TIE1: variants seen among roughly 807,000 people sequenced by gnomAD.
TIE1 encodes tyrosine-protein kinase receptor Tie-1.
TIE1 carries 89 observed loss-of-function variants against 130.5 expected under a neutral mutation model. That is an observed-to-expected ratio of 0.68 (90% CI 0.57 to 0.81). The LOEUF is 0.81. TIE1 is among the 40% of genes least tolerant of loss of function. The probability of loss-of-function intolerance (pLI) is 0.00; values close to 1 mark genes in which losing one functional copy is unlikely to be tolerated. For synonymous variants in TIE1, 568 were observed against 629.4 expected (o/e 0.90, Z 1.46); for missense variants, 1,392 against 1,559.8 (o/e 0.89, Z 1.81).
chr1:43,317,507 T>C lies in TIE1; in HGVS notation c.2621-57T>C. 6.2e-7 allele frequency: 1 copy of C among 1,609,072 alleles called. No individual in the cohort carries two copies. Among genetic ancestry groups the C allele is most frequent in the Non-Finnish European group, 8.5e-7 (1 of 1,175,494 alleles). ...TCCTCCAGCAATTGACCCCAGCCCT[T>C]GCCAGCCCTTTCTCCAGAGTTATTT... On this transcript the variant is annotated intron_variant, in intron 15 of 22. Coordinates refer to ENST00000372476, the MANE Select transcript of TIE1 (RefSeq NM_005424.5). The surrounding 1 kb of genome is among the most constrained non-coding windows in gnomAD (Gnocchi z 5.1).
chr1:43,303,574 T>C (rs559153480), intron 1 of TIE1, among the ~76,000 whole-genome samples: 11 of 152,284 alleles, frequency 7.2e-5, no homozygotes, highest in Admixed American at 2.6e-4. Context: ...AGGGCTTGGC[T>C]GGTGGAGGGG....
At position 43,312,996 on chromosome 1, in the gene TIE1, T is replaced by G; in HGVS notation, c.1928-139T>G. ...GGGAATGGAGAGGAATTCAGTCTGG[T>G]GGGGAGGAGGAAGTTGGCAGGGTGG... On this transcript the variant is annotated intron_variant, in intron 12 of 22. Transcript: ENST00000372476. This position sits in a 1 kb window ranked among gnomAD's most constrained non-coding sequence, Gnocchi z 5.6. 1.0e-6 allele frequency: 1 copy of G among 966,958 alleles called. No homozygotes were observed. The allele number at this position is 966,958 out of a possible 1,614,324, so 59.9% of individuals were successfully genotyped here. A position where few individuals can be genotyped will look rare whatever the true frequency, so the allele number is the denominator to read the frequency against.
At position 43,309,759 on chromosome 1, in the gene TIE1, TG is replaced by T. The variant is rs1473472783; in HGVS notation, c.1333+231del. Among the ~76,000 whole-genome samples, 1 of 152,056 alleles carries T rather than the reference TG, an allele frequency of 6.6e-6. No homozygotes were observed. The highest frequency in any genetic ancestry group is 1.5e-5 in the Non-Finnish European group (1 of 68,006). ...AAAGGACATCCCGTGCCCCAGAAAC[TG>T]GGGACACTCTCCAGCCCCGCCCTTC... On this transcript the variant is annotated intron_variant, in intron 9 of 22. Transcript: ENST00000372476. This position sits in a 1 kb window ranked among gnomAD's most constrained non-coding sequence, Gnocchi z 6.3.
In TIE1 at chr1:43,309,672, T is replaced by C; in HGVS notation, c.1333+140T>C. On this transcript the variant is annotated intron_variant, in intron 9 of 22. Transcript: ENST00000372476. The surrounding 1 kb of genome is among the most constrained non-coding windows in gnomAD (Gnocchi z 6.3). ...TAGCACCAGACAAAAAGCGGGGTTG[T>C]GGTCAACCAGAGGTCCGGGCTGGGC... The C allele has an allele frequency of 5.6e-6, 7 of 1,252,430 alleles. No individual in the cohort carries two copies. The highest frequency in any genetic ancestry group is 1.5e-5 in the African/African-American group (1 of 65,884). The allele number at this position is 1,252,430 out of a possible 1,614,324, so 77.6% of individuals were successfully genotyped here.
rs374467123 is a variant in TIE1 at position 43,312,165 on chromosome 1, C to A, written c.1630+34C>A. 5.4e-5 allele frequency: 82 copies of A among 1,516,498 alleles called. No homozygotes were observed. In the Middle Eastern group the frequency reaches 3.0e-3, roughly 56 times the overall value. 93.9% of individuals were successfully genotyped at this position (1,516,498 alleles called of 1,614,324 possible). ...CCAAGAGTCATCCCTTCCTGTCCCC[C>A]CAAGGGTTACTTTCCCGTCGACCCC... On this transcript the variant is annotated intron_variant, in intron 11 of 22. Coordinates refer to ENST00000372476, the MANE Select transcript of TIE1 (RefSeq NM_005424.5). This position sits in a 1 kb window ranked among gnomAD's most constrained non-coding sequence, Gnocchi z 5.6.
chr1:43,313,206 C>G lies in TIE1; in HGVS notation c.1999C>G (p.Pro667Ala). 1 of 1,613,908 alleles carries G rather than the reference C, an allele frequency of 6.2e-7. No individual in the cohort carries two copies. Among genetic ancestry groups the G allele is most frequent in the Non-Finnish European group, 8.5e-7 (1 of 1,179,910 alleles). Residue 667 changes from proline to alanine, a missense_variant, in exon 13 of 23, where the codon CCG (proline) becomes GCG (alanine). By Grantham distance (27) the Pro-to-Ala change is conservative. Around this residue, in one of 6 missense-constraint regions of TIE1, gnomAD observed 551 missense variants for 565.5 expected, o/e 0.97. Transcript: ENST00000372476. This position sits in a 1 kb window ranked among gnomAD's most constrained non-coding sequence, Gnocchi z 6.2. ...DSEIQLTWKH[P>A]EALPGPISKY... The stretch of plus-strand genomic sequence containing the variant: ...CGAGATCCAGCTGACATGGAAGCAC[C>G]CGGAGGCTCTGCCTGGGCCAATATC...
At position 43,313,221 on chromosome 1, in the gene TIE1, G is replaced by A; in HGVS notation, c.2014G>A (p.Gly672Arg). Residue 672 changes from glycine to arginine, a missense_variant, in exon 13 of 23, where the codon GGG becomes AGG. This residue lies in a region of TIE1 where 551 missense variants were observed against 565.5 expected (regional missense o/e 0.97). Coordinates refer to ENST00000372476, the MANE Select transcript of TIE1 (RefSeq NM_005424.5). This position sits in a 1 kb window ranked among gnomAD's most constrained non-coding sequence, Gnocchi z 6.2. The stretch of plus-strand genomic sequence containing the variant: ...ATGGAAGCACCCGGAGGCTCTGCCT[G>A]GGCCAATATCCAAGTACGTTGTGGA... Reference protein sequence around the residue: ...LTWKHPEALPGPISKYVVEVQ... With the variant: ...LTWKHPEALPRPISKYVVEVQ... 2 of 1,613,992 alleles carry A rather than the reference G, an allele frequency of 1.2e-6. No homozygotes were observed. The highest frequency in any genetic ancestry group is 1.7e-5 in the Admixed American group (1 of 60,010).
At position 43,312,566 on chromosome 1, in the gene TIE1, C is replaced by A; in HGVS notation, c.1892C>A (p.Ala631Asp). 6.2e-7 allele frequency: 1 copy of A among 1,611,724 alleles called. No homozygotes were observed. Among genetic ancestry groups the A allele is most frequent in the South Asian group, 1.1e-5 (1 of 90,772 alleles). Residue 631 changes from alanine (A) to aspartate (D), a missense_variant, in exon 12 of 23, where the codon GCC (alanine) becomes GAC (aspartate). Ala to Asp is a moderately radical substitution (Grantham distance 126). Coordinates refer to ENST00000372476, the MANE Select transcript of TIE1 (RefSeq NM_005424.5). This position sits in a 1 kb window ranked among gnomAD's most constrained non-coding sequence, Gnocchi z 5.6. Reference protein sequence around the residue: ...QLYHCTLLGPASPPAHVLLPP... With the variant: ...QLYHCTLLGPDSPPAHVLLPP... Reference sequence around the variant, plus strand: ...TACCACTGCACCCTCCTGGGCCCGGCCTCGCCCCCTGCACACGTGCTTCTG... The same window carrying A: ...TACCACTGCACCCTCCTGGGCCCGGACTCGCCCCCTGCACACGTGCTTCTG...
chr1:43,311,921 G>A, intron 10 of TIE1, 73 bp from the exon 11 acceptor site: 1 of 1,568,312 alleles, frequency 6.4e-7, no homozygotes, highest in Non-Finnish European at 8.7e-7. Context: ...TGGTGCGAGG[G>A]GGCTGAAGGG....
chr1:43,321,397 A>G lies in TIE1; in HGVS notation c.3150A>G (p.Gly1050=). 2 of 1,613,870 alleles carry G rather than the reference A, an allele frequency of 1.2e-6. No homozygotes were observed. The highest frequency in any genetic ancestry group is 1.7e-6 in the Non-Finnish European group (2 of 1,179,926). The change falls in exon 21 of 23, where the codon GGA becomes GGG. Residue 1050 remains glycine, a splice_region_variant and synonymous_variant. Transcript: ENST00000372476. The part of the protein sequence containing the change: ...GVLLWEIVSL[G]GTPYCGMTCA... ...AGAGCACTTTGTCCCCTCCTGCAGG[A>G]GGTACACCCTACTGTGGCATGACCT...
chr1:43,302,943 A>T (rs1422384821), intron 1 of TIE1, among the ~76,000 whole-genome samples: 2 of 152,106 alleles, frequency 1.3e-5, no homozygotes, highest in Non-Finnish European at 2.9e-5. Context: ...GTGCTCAGAG[A>T]TGTGGACTTT....
In TIE1 at chr1:43,319,068, A is replaced by G. The variant is rs1458967825; in HGVS notation, c.2923-167A>G. On this transcript the variant is annotated intron_variant, in intron 17 of 22. Coordinates refer to ENST00000372476, the MANE Select transcript of TIE1 (RefSeq NM_005424.5). The surrounding 1 kb of genome is among the most constrained non-coding windows in gnomAD (Gnocchi z 4.7). ...CAGGAACGAGCGGGTGAGAGCCAAC[A>G]CTGATCTTTCTCAGATATGAGTCAG... Among the ~76,000 whole-genome samples the G allele has an allele frequency of 2.6e-5, 4 of 152,114 alleles. No homozygotes were observed. The highest frequency in any genetic ancestry group is 5.9e-5 in the Non-Finnish European group (4 of 68,008).
At position 43,322,718 on chromosome 1, in the gene TIE1, C is replaced by T. The variant is rs1646931602; in HGVS notation, c.3413C>T (p.Ala1138Val). ...YAGIDATAEE[A>V] ...GGCATTGATGCCACAGCTGAGGAGG[C>T]CTGAGCTGCCATCCAGCCAGAACGT... Residue 1138 changes from alanine (A) to valine (V), a missense_variant, in exon 23 of 23, where the codon GCC becomes GTC. Transcript: ENST00000372476. This position sits in a 1 kb window ranked among gnomAD's most constrained non-coding sequence, Gnocchi z 4.0. The T allele has an allele frequency of 3.1e-6, 5 of 1,613,594 alleles. No individual in the cohort carries two copies. In the South Asian group the frequency reaches 5.5e-5, roughly 18 times the overall value.
rs1459586373 is a variant in TIE1 at position 43,319,274 on chromosome 1, G to A, written c.2962G>A (p.Gly988Arg). The A allele has an allele frequency of 3.7e-6, 6 of 1,613,966 alleles. No homozygotes were observed. The highest frequency in any genetic ancestry group is 5.1e-6 in the Non-Finnish European group (6 of 1,179,962). The change falls in exon 18 of 23, where the codon GGA becomes AGA. Residue 988 changes from glycine to arginine, a missense_variant. Gly to Arg is a moderately radical substitution (Grantham distance 125). Around this residue, in one of 6 missense-constraint regions of TIE1, gnomAD observed 286 missense variants for 354.4 expected, o/e 0.81. Transcript: ENST00000372476. The surrounding 1 kb of genome is among the most constrained non-coding windows in gnomAD (Gnocchi z 4.7). ...CCTGGCTGCCCGGAATGTGCTGGTC[G>A]GAGAGAACCTAGCCTCCAAGATTGC... is the stretch of plus-strand genomic sequence containing the variant. Reference protein sequence around the residue: ...RDLAARNVLVGENLASKIADF... With the variant: ...RDLAARNVLVRENLASKIADF...
chr1:43,321,241 G>T (rs1476695420), intron 19 of TIE1, 28 bp from the exon 20 acceptor site: 34 of 1,613,952 alleles, frequency 2.1e-5, no homozygotes, highest in Non-Finnish European at 2.8e-5. Context: ...GGCCTAGAAG[G>T]TAACTAAGTG....
chr1:43,312,274 G>A lies in TIE1; in HGVS notation c.1631-31G>A. 6.6e-7 allele frequency: 1 copy of A among 1,522,806 alleles called. No homozygotes were observed. The highest frequency in any genetic ancestry group is 1.4e-5 in the African/African-American group (1 of 72,316). The allele number at this position is 1,522,806 out of a possible 1,614,324, so 94.3% of individuals were successfully genotyped here. On this transcript the variant is annotated intron_variant, in intron 11 of 22. Coordinates refer to ENST00000372476, the MANE Select transcript of TIE1 (RefSeq NM_005424.5). This position sits in a 1 kb window ranked among gnomAD's most constrained non-coding sequence, Gnocchi z 5.6. Reference sequence around the variant, plus strand: ...CCTGTCCAGCCCCAAGTACCTACTGGACAGTTCTGACCCCTGACCTCTGGC... The same window carrying A: ...CCTGTCCAGCCCCAAGTACCTACTGAACAGTTCTGACCCCTGACCTCTGGC...
At chr1:43,314,131 TTTTC>T (rs749336535) in intron 14 of TIE1, 163 bp downstream of exon 14, 3 of 900,292 alleles carry the variant, frequency 3.3e-6, no homozygotes, top group South Asian at 2.9e-5. Context: ...CAAAATATAA[TTTTC>T]TTTATTTCTC....
chr1:43,312,306 G>A lies in TIE1; in HGVS notation c.1632G>A (p.Glu544=), dbSNP rs1347358581. The change falls in exon 12 of 23, where the codon GAG becomes GAA. Residue 544 remains glutamate (E), a splice_region_variant and synonymous_variant. Coordinates refer to ENST00000372476, the MANE Select transcript of TIE1 (RefSeq NM_005424.5). The surrounding 1 kb of genome is among the most constrained non-coding windows in gnomAD (Gnocchi z 5.6). ...PPTLMTTDCP[E]PLLQPWLEGW... ...CTGACCCCTGACCTCTGGCCCCAGAGCCTTTGTTGCAGCCGTGGTTGGAGG... is the reference window on the plus strand; with the variant it reads ...CTGACCCCTGACCTCTGGCCCCAGAACCTTTGTTGCAGCCGTGGTTGGAGG... 1 of 1,547,846 alleles carries A rather than the reference G, an allele frequency of 6.5e-7. No homozygotes were observed. Among genetic ancestry groups the A allele is most frequent in the Non-Finnish European group, 8.7e-7 (1 of 1,144,934 alleles).
At position 43,312,684 on chromosome 1, in the gene TIE1, G is replaced by C; in HGVS notation, c.1927+83G>C. ...ACATGAGACCTAGGAGACACGGGAG[G>C]CTGTAGGAGATTAATGGACATGGAG... On this transcript the variant is annotated intron_variant, in intron 12 of 22. Coordinates refer to ENST00000372476, the MANE Select transcript of TIE1 (RefSeq NM_005424.5). This position sits in a 1 kb window ranked among gnomAD's most constrained non-coding sequence, Gnocchi z 5.6. 2 of 1,466,550 alleles carry C rather than the reference G, an allele frequency of 1.4e-6. No individual in the cohort carries two copies. Among genetic ancestry groups the C allele is most frequent in the Non-Finnish European group, 1.8e-6 (2 of 1,091,522 alleles). 90.8% of individuals were successfully genotyped at this position (1,466,550 alleles called of 1,614,324 possible).
Sources: allele counts gnomAD v4.1 joint callset (sites outside exome capture counted in the v4.1 genomes callset), GRCh38; gene constraint gnomAD v4.1.1; regional missense constraint gnomAD v4.1.1; non-coding constraint Gnocchi (gnomAD v3.1); transcripts MANE v1.5; gene names NCBI Gene and HGNC (gene_info 2026-07-23, HGNC 2026-07-21).